Variants in CTTNBP2 observed in about 807,000 individuals in gnomAD.
CTTNBP2 encodes the protein cortactin binding protein 2.
CTTNBP2 carries 108 observed loss-of-function variants against 156.9 expected under a neutral mutation model. The observed-to-expected ratio is 0.69, with a 90% CI of 0.59 to 0.81. CTTNBP2 has a LOEUF of 0.81. Among genes scored for constraint, CTTNBP2 ranks in the 30% least tolerant of loss-of-function variants. CTTNBP2 has a pLI of 0.00. For synonymous variants in CTTNBP2, 767 were observed against 751.8 expected, an observed-to-expected ratio of 1.02 and a Z score of -0.33; for missense variants, 1,924 against 2,035.4, an observed-to-expected ratio of 0.95 and a Z score of 1.05.
Position 117,780,456 on chromosome 7 carries a change from T to G in CTTNBP2, c.2508A>C (p.Arg836=). ...IKLLLEAGTN[R]SVKTTDGWTP... is the part of the protein sequence containing the mutation. ...TGCTACTCACTGTGGTTTTTACACT[T>G]CGATTGGTTCCAGCTTCCAACAAGA... The change falls in exon 7 of 23, where the codon CGA becomes CGC. Residue 836 remains arginine (R), a synonymous_variant. Transcript: ENST00000160373. 6.3e-7 allele frequency: 1 copy of G among 1,575,662 alleles called. No homozygotes were observed. Among genetic ancestry groups the G allele is most frequent in the Non-Finnish European group, 8.6e-7 (1 of 1,164,942 alleles).
intron 21 of CTTNBP2, among the ~76,000 whole-genome samples, chr7:117,718,788 C>T (rs1794611906): frequency 6.6e-6 from 1 of 152,208 alleles, no homozygotes; most frequent in South Asian, 2.1e-4. Flanking sequence ...TGGTCTATAA[C>T]ATAAGTCTGC....
chr7:117,783,896 C>T (rs1798561941), intron 5 of CTTNBP2, among the ~76,000 whole-genome samples: 1 of 152,162 alleles, frequency 6.6e-6, no homozygotes, highest in Non-Finnish European at 1.5e-5. Flanking sequence ...GGCCCATGAC[C>T]TTACCTAACT....
chr7:117,716,478 T>G (rs953803237), intron 22 of CTTNBP2, among the ~76,000 whole-genome samples: 1 of 152,130 alleles, frequency 6.6e-6, no homozygotes, highest in Non-Finnish European at 1.5e-5. Flanking sequence ...TCCTAGAGAC[T>G]GGCGTCCAGT....
At chr7:117,758,558 C>A (rs1455002532) in intron 10 of CTTNBP2, among the ~76,000 whole-genome samples, 5 of 152,016 alleles carry the variant, frequency 3.3e-5, no homozygotes, top group Admixed American at 3.3e-4. Flanking sequence ...TTTTTTTCAT[C>A]TCTTCCTTCC....
chr7:117,869,431 C>G (rs970679311), intron 1 of CTTNBP2, among the ~76,000 whole-genome samples: 3 of 152,124 alleles, frequency 2.0e-5, no homozygotes, highest in African/African-American at 7.2e-5. Flanking sequence ...GAACACTTAC[C>G]ATGTGCCTGG....
At chr7:117,730,182 C>A (rs1207627820) in intron 16 of CTTNBP2, among the ~76,000 whole-genome samples, 3 of 152,260 alleles carry the variant, frequency 2.0e-5, no homozygotes, top group African/African-American at 7.2e-5. Context: ...AAGTGCTGCT[C>A]CTTCTGCCCA....
chr7:117,766,107 G>A (rs1797470532), intron 9 of CTTNBP2, among the ~76,000 whole-genome samples: 1 of 151,946 alleles, frequency 6.6e-6, no homozygotes. Context: ...TAAAATTTTA[G>A]CTCAACAGAA....
At chr7:117,860,158 T>G (rs1349905410) in intron 2 of CTTNBP2, among the ~76,000 whole-genome samples, 2 of 152,014 alleles carry the variant, frequency 1.3e-5, no homozygotes, top group Non-Finnish European at 2.9e-5. Flanking sequence ...AATAAATATA[T>G]CCTTCTTGGC....
At chr7:117,804,240 A>T (rs910782807) in intron 3 of CTTNBP2, among the ~76,000 whole-genome samples, 1 of 152,134 alleles carries the variant, frequency 6.6e-6, no homozygotes, top group Non-Finnish European at 1.5e-5. Context: ...TGGGATTACA[A>T]GTGTGAGCCA....
At chr7:117,794,813 CATAAGTAG>C (rs1234728593) in intron 3 of CTTNBP2, among the ~76,000 whole-genome samples, 4 of 144,874 alleles carry the variant, frequency 2.8e-5, no homozygotes, top group Admixed American at 2.7e-4. Context: ...GGGAGTAATT[CATAAGTAG>C]ATTAGGTAAG....
chr7:117,847,780 G>A (rs1179027577), intron 2 of CTTNBP2, among the ~76,000 whole-genome samples: 1 of 98,320 alleles, frequency 1.0e-5, no homozygotes, highest in Non-Finnish European at 2.2e-5. Flanking sequence ...CCATGCTTTT[G>A]TTCCATGTCC....
At chr7:117,811,864 ATTTT>A (rs1800307568) in intron 2 of CTTNBP2, among the ~76,000 whole-genome samples, 1 of 132,680 alleles carries the variant, frequency 7.5e-6, no homozygotes, top group Non-Finnish European at 1.6e-5. Flanking sequence ...TAATGTAAAA[ATTTT>A]AATTAAATTA....
chr7:117,855,143 G>A (rs1031031290), intron 2 of CTTNBP2, among the ~76,000 whole-genome samples: 12 of 152,244 alleles, frequency 7.9e-5, no homozygotes, highest in African/African-American at 2.4e-4. Context: ...GCAAGGGCTC[G>A]CTGTTGCAAG....
chr7:117,752,385 T>C (rs1228391732), intron 12 of CTTNBP2, among the ~76,000 whole-genome samples: 2 of 152,126 alleles, frequency 1.3e-5, no homozygotes, highest in Non-Finnish European at 2.9e-5. Flanking sequence ...CTAACAAAAA[T>C]TGCAACTGGC....
intron 2 of CTTNBP2, among the ~76,000 whole-genome samples, chr7:117,848,219 T>C (rs1276507439): frequency 1.3e-5 from 2 of 152,160 alleles, no homozygotes; most frequent in African/African-American, 4.8e-5. Context: ...TGGCAAATGG[T>C]TTGAAGGTCA....
intron 3 of CTTNBP2, among the ~76,000 whole-genome samples, chr7:117,805,094 C>T (rs745478412): frequency 6.6e-6 from 1 of 152,050 alleles, no homozygotes; most frequent in Non-Finnish European, 1.5e-5. Flanking sequence ...TGAACTAGGT[C>T]GATCATATAT....
intron 2 of CTTNBP2, among the ~76,000 whole-genome samples, chr7:117,852,127 C>T (rs933106103): frequency 6.6e-6 from 1 of 152,006 alleles, no homozygotes. Context: ...TATCATGACC[C>T]TGGCTTACAT....
At chr7:117,780,935 A>G (rs1798402153) in intron 6 of CTTNBP2, among the ~76,000 whole-genome samples, 1 of 152,228 alleles carries the variant, frequency 6.6e-6, no homozygotes, top group Non-Finnish European at 1.5e-5. Flanking sequence ...ATAAATATAT[A>G]TTATTTTGGT....
chr7:117,784,962 C>T (rs1446780790), intron 4 of CTTNBP2, among the ~76,000 whole-genome samples: 1 of 152,064 alleles, frequency 6.6e-6, no homozygotes, highest in East Asian at 1.9e-4. Flanking sequence ...TTTATGTAAA[C>T]CATTAAGATG....
Sources: allele counts gnomAD v4.1 joint callset (sites outside exome capture counted in the v4.1 genomes callset), GRCh38; gene constraint gnomAD v4.1.1; transcripts MANE v1.5; gene names NCBI Gene and HGNC (gene_info 2026-07-23, HGNC 2026-07-21).